Variants in YTHDF3 observed in about 807,000 individuals in gnomAD.
The protein encoded by YTHDF3 is YTH domain-containing family protein 3.
Under a neutral mutation model 52.5 loss-of-function variants are expected in YTHDF3, and 9 were observed. The ratio of observed to expected loss-of-function variants is 0.17; its 90% confidence interval spans 0.10 to 0.30. The LOEUF (loss-of-function observed/expected upper bound fraction) is 0.30. YTHDF3 is among the 10% of genes least tolerant of loss of function. The pLI, the probability that YTHDF3 is intolerant of heterozygous loss-of-function variation, is 1.00. For synonymous variants in YTHDF3, 274 were observed against 243.3 expected, an observed-to-expected ratio of 1.13 and a Z score of -1.18; for missense variants, 534 against 715.0, an observed-to-expected ratio of 0.75 and a Z score of 2.89.
Position 63,210,314 on chromosome 8 carries a change from CTGTT to C in YTHDF3, c.*611_*614del, listed in dbSNP as rs912112667. ...TTAGAACATTTCCCTTGTCTTCAAA[CTGTT>C]TGGTGTAACAGAATATTGATATGCA... is the stretch of plus-strand genomic sequence containing the variant. On this transcript the variant is annotated 3_prime_UTR_variant, in exon 5 of 5. Coordinates refer to ENST00000539294, the MANE Select transcript of YTHDF3 (RefSeq NM_152758.6). The C allele has an allele frequency of 2.6e-5, 4 of 152,636 alleles. No homozygotes were observed. Among genetic ancestry groups the C allele is most frequent in the Non-Finnish European group, 4.4e-5 (3 of 68,070 alleles). The allele number at this position is 152,636 out of a possible 1,614,324, so 9.5% of individuals were successfully genotyped here.
chr8:63,196,466 G>A (rs993989391), intron 4 of YTHDF3, among the ~76,000 whole-genome samples: 1 of 151,656 alleles, frequency 6.6e-6, no homozygotes, highest in Admixed American at 6.6e-5. Flanking sequence ...GGAGGCTGAG[G>A]TAGGAGAATC....
intron 4 of YTHDF3, among the ~76,000 whole-genome samples, chr8:63,199,663 A>G (rs530590036): frequency 6.6e-6 from 1 of 152,368 alleles, no homozygotes; most frequent in Non-Finnish European, 1.5e-5. Context: ...CAAGGAAAGA[A>G]TATTTTTTCA....
chr8:63,206,134 C>G (rs1043209908), intron 4 of YTHDF3, among the ~76,000 whole-genome samples: 2 of 151,834 alleles, frequency 1.3e-5, no homozygotes, highest in Admixed American at 6.6e-5. Context: ...AGTGCAATGG[C>G]GCGATCTTGG....
chr8:63,175,188 T>A (rs1324712992), intron 2 of YTHDF3, 143 bp from the exon 3 acceptor site: 1 of 590,712 alleles, frequency 1.7e-6, no homozygotes, highest in South Asian at 2.4e-5. Context: ...TAAAATAGTT[T>A]ATCCTTAAGA....
At chr8:63,188,701 A>ATATATATATATATATATATATTT (rs1355614739) in intron 4 of YTHDF3, 2 of 61,446 alleles carry the variant, frequency 3.3e-5, no homozygotes, top group East Asian at 5.5e-4. Flanking sequence ...ATATATATAT[A>ATATATATATATATATATATATTT]TTTTTTTTTT....
intron 4 of YTHDF3, among the ~76,000 whole-genome samples, chr8:63,202,981 C>T (rs1459492006): frequency 1.3e-5 from 2 of 152,076 alleles, no homozygotes; most frequent in South Asian, 2.1e-4. Flanking sequence ...GTGGCTCGTG[C>T]CTGTAATCCT....
intron 3 of YTHDF3, 98 bp downstream of exon 3, chr8:63,175,514 G>A: frequency 1.0e-6 from 1 of 983,366 alleles, no homozygotes; most frequent in Non-Finnish European, 1.5e-6. Flanking sequence ...ACCATAACAT[G>A]GATTCATTCA....
intron 4 of YTHDF3, chr8:63,188,711 T>A (rs1413001219): frequency 7.8e-5 from 9 of 115,982 alleles, no homozygotes; most frequent in African/African-American, 3.3e-4. Context: ...ATTTTTTTTT[T>A]TTTTTTTTTT....
chr8:63,193,024 G>T (rs1809011045), intron 4 of YTHDF3, among the ~76,000 whole-genome samples: 2 of 152,156 alleles, frequency 1.3e-5, no homozygotes, highest in South Asian at 4.2e-4. Context: ...AATTGCAAAA[G>T]ACTGCTACAT....
chr8:63,204,787 T>C (rs1293192980), intron 4 of YTHDF3, among the ~76,000 whole-genome samples: 1 of 152,238 alleles, frequency 6.6e-6, no homozygotes, highest in Non-Finnish European at 1.5e-5. Flanking sequence ...TCCTTTTGAA[T>C]GCTATGGCCT....
chr8:63,193,659 C>T (rs1296060381), intron 4 of YTHDF3, among the ~76,000 whole-genome samples: 1 of 151,744 alleles, frequency 6.6e-6, no homozygotes, highest in African/African-American at 2.4e-5. Flanking sequence ...GAAAAGATAA[C>T]CAATAGAAAA....
intron 1 of YTHDF3, 24 bp from the exon 2 acceptor site, chr8:63,169,363 C>T (rs754319952): frequency 2.5e-6 from 4 of 1,597,616 alleles, no homozygotes; most frequent in East Asian, 2.2e-5. Context: ...TCCTCTTTAC[C>T]GCATCTTTCG....
At chr8:63,188,196 G>A (rs537924952) in intron 4 of YTHDF3, among the ~76,000 whole-genome samples, 9 of 151,554 alleles carry the variant, frequency 5.9e-5, no homozygotes, top group Non-Finnish European at 1.2e-4. Context: ...ATTCACAGGT[G>A]CAGTTATGGC....
At chr8:63,197,982 T>G (rs777295265) in intron 4 of YTHDF3, among the ~76,000 whole-genome samples, 84 of 152,304 alleles carry the variant, frequency 5.5e-4, no homozygotes, top group Middle Eastern at 6.8e-3. Context: ...TCCAAGACTA[T>G]TTTTGGTTCA....
chr8:63,177,355 A>G (rs551827453), intron 3 of YTHDF3, among the ~76,000 whole-genome samples: 2 of 152,252 alleles, frequency 1.3e-5, no homozygotes, highest in African/African-American at 4.8e-5. Context: ...CCTAGCATAC[A>G]TGGGAGGAGA....
At chr8:63,188,701 A>ATATATATATATATATTTT (rs1355614739) in intron 4 of YTHDF3, 4 of 61,444 alleles carry the variant, frequency 6.5e-5, no homozygotes, top group African/African-American at 2.6e-4. Context: ...ATATATATAT[A>ATATATATATATATATTTT]TTTTTTTTTT....
rs1449436993 is a variant in YTHDF3 at position 63,212,248 on chromosome 8, CTG to C, written c.*2544_*2545del. 6.6e-6 allele frequency: 1 copy of C among 152,596 alleles called. No homozygotes were observed. The highest frequency in any genetic ancestry group is 1.5e-5 in the Non-Finnish European group (1 of 68,006). 9.5% of individuals were successfully genotyped at this position (152,596 alleles called of 1,614,324 possible). A position where few individuals can be genotyped will look rare whatever the true frequency, so the allele number is the denominator to read the frequency against. ...TGTATATTTAACAGTAAGGAGGAAA[CTG>C]TAACCAAAATTAGTATTTCTCTATA... On this transcript the variant is annotated 3_prime_UTR_variant, in exon 5 of 5. Coordinates refer to ENST00000539294, the MANE Select transcript of YTHDF3 (RefSeq NM_152758.6).
chr8:63,169,411 G>C lies in YTHDF3; in HGVS notation c.49G>C (p.Val17Leu). 6.3e-7 allele frequency: 1 copy of C among 1,598,282 alleles called. No individual in the cohort carries two copies. The highest frequency in any genetic ancestry group is 8.5e-7 in the Non-Finnish European group (1 of 1,171,272). Reference sequence around the variant, plus strand: ...GAGACCTAAAGGGCAAGGAAATAAAGGTGAGTTTGGATTTTTTTTTTTCTT... The same window carrying C: ...GAGACCTAAAGGGCAAGGAAATAAACGTGAGTTTGGATTTTTTTTTTTCTT... The part of the protein sequence containing the change: ...DQRPKGQGNK[V>L]SVQNGSIHQK... The change falls in exon 2 of 5, where the codon GTT (valine) becomes CTT (leucine). Residue 17 changes from valine (V) to leucine (L), a missense_variant and splice_region_variant. This residue lies in a region of YTHDF3 where 196 missense variants were observed against 299.5 expected (regional missense o/e 0.65). Transcript: ENST00000539294.
intron 3 of YTHDF3, among the ~76,000 whole-genome samples, chr8:63,180,204 C>A (rs1808017004): frequency 6.6e-6 from 1 of 151,254 alleles, no homozygotes; most frequent in African/African-American, 2.4e-5. Flanking sequence ...CGGAGGGGCG[C>A]CTCACTTCTC....
Sources: gnomAD v4.1 joint callset for allele counts (sites outside exome capture counted in the v4.1 genomes callset) on GRCh38, gnomAD v4.1.1 for gene constraint, gnomAD v4.1.1 regional missense constraint, MANE v1.5 for transcripts, NCBI Gene and HGNC (gene_info 2026-07-23, HGNC 2026-07-21) for gene names.